Variants in PCDHGA3 observed in about 807,000 individuals in gnomAD.
PCDHGA3 encodes protocadherin gamma subfamily A, 3, also known as protocadherin gamma-A3.
A neutral mutation model predicts 58.5 loss-of-function variants in PCDHGA3; 40 were observed. That is an observed-to-expected ratio of 0.68 (90% CI 0.53 to 0.89). The LOEUF (loss-of-function observed/expected upper bound fraction) is 0.89. Ranked by LOEUF, PCDHGA3 falls within the 40% of genes least tolerant of loss-of-function variation. The pLI is 0.00. For synonymous variants in PCDHGA3, 530 were observed against 525.7 expected, an observed-to-expected ratio of 1.01 and a Z score of -0.11; for missense variants, 1,223 against 1,195.9, an observed-to-expected ratio of 1.02 and a Z score of -0.33.
intron 1 of PCDHGA3, among the ~76,000 whole-genome samples, chr5:141,492,482 A>G (rs1339196127): frequency 6.6e-6 from 1 of 152,182 alleles, no homozygotes; most frequent in Non-Finnish European, 1.5e-5. Context: ...GCGGCCGCCC[A>G]GGACCAGGCG....
intron 1 of PCDHGA3, chr5:141,414,449 C>T (rs1223779483): frequency 6.2e-7 from 1 of 1,613,730 alleles, no homozygotes; most frequent in Non-Finnish European, 8.5e-7. Context: ...TACAATATCA[C>T]AGTGACAGCC....
chr5:141,440,008 C>G, intron 1 of PCDHGA3: 1 of 153,238 alleles, frequency 6.5e-6, no homozygotes. Context: ...GAAACCTTGC[C>G]AAGGATCTGG....
chr5:141,501,964 A>G (rs1374872785), intron 2 of PCDHGA3, among the ~76,000 whole-genome samples: 1 of 151,854 alleles, frequency 6.6e-6, no homozygotes, highest in East Asian at 1.9e-4. Flanking sequence ...TCATCCTCCT[A>G]ACCTCTGGCA....
Position 141,485,151 on chromosome 5 carries a change from T to C in PCDHGA3, c.2425-9656T>C, listed in dbSNP as rs1191585056. 1.0e-5 allele frequency: 16 copies of C among 1,584,876 alleles called. No homozygotes were observed. Among genetic ancestry groups the C allele is most frequent in the Non-Finnish European group, 1.3e-5 (15 of 1,156,528 alleles). On this transcript the variant is annotated intron_variant, in intron 1 of 3. Coordinates refer to ENST00000253812, the MANE Select transcript of PCDHGA3 (RefSeq NM_018916.4). This position sits in a 1 kb window ranked among gnomAD's most constrained non-coding sequence, Gnocchi z 5.7. ...GCTTCATCCGCGTCTCAGGAGCAAG[T>C]AGAGAATTAGCGGGCGGCAGCAATG...
chr5:141,424,140 C>A, intron 1 of PCDHGA3: 1 of 356,082 alleles, frequency 2.8e-6, no homozygotes, highest in Non-Finnish European at 4.1e-6. Flanking sequence ...TAATAGCATG[C>A]TCCCTCTAGC....
At chr5:141,438,595 T>C (rs11949887) in intron 1 of PCDHGA3, among the ~76,000 whole-genome samples, 1,254 of 57,838 alleles carry the variant, frequency 0.022, 9 homozygotes, top group Non-Finnish European at 0.023. Flanking sequence ...TACATACATA[T>C]ATATATATAT....
chr5:141,413,812 C>G (rs761118146), intron 1 of PCDHGA3: 3 of 1,613,144 alleles, frequency 1.9e-6, no homozygotes, highest in Non-Finnish European at 1.7e-6. Context: ...GGCCATTCAC[C>G]ACCTGGTCCT....
chr5:141,497,211 G>T (rs914346878), intron 2 of PCDHGA3, among the ~76,000 whole-genome samples: 12 of 28,538 alleles, frequency 4.2e-4, no homozygotes, highest in African/African-American at 1.1e-3. Context: ...GAGTGTAATG[G>T]GGGGGGGAAG....
In PCDHGA3 at chr5:141,366,067, T is replaced by C. The variant is rs11750908; in HGVS notation, c.2424+19610T>C. 6.6e-3 allele frequency: 10,611 copies of C among 1,614,204 alleles called. 55 individuals carry two copies. Among genetic ancestry groups the C allele is most frequent in the Non-Finnish European group, 7.8e-3 (9,251 of 1,180,030 alleles). On this transcript the variant is annotated intron_variant, in intron 1 of 3. Coordinates refer to ENST00000253812, the MANE Select transcript of PCDHGA3 (RefSeq NM_018916.4). ...GTTCCACGGGCGTGGAGCTGGCGCCTCGCTCCGCAGAACCTGGCTACCTGG... is the reference window on the plus strand; with the variant it reads ...GTTCCACGGGCGTGGAGCTGGCGCCCCGCTCCGCAGAACCTGGCTACCTGG...
Position 141,476,641 on chromosome 5 carries a change from C to A in PCDHGA3, c.2425-18166C>A, listed in dbSNP as rs1183948220. The A allele has an allele frequency of 1.2e-6, 2 of 1,614,256 alleles. No homozygotes were observed. The highest frequency in any genetic ancestry group is 1.7e-5 in the Admixed American group (1 of 60,030). On this transcript the variant is annotated intron_variant, in intron 1 of 3. Transcript: ENST00000253812. This position sits in a 1 kb window ranked among gnomAD's most constrained non-coding sequence, Gnocchi z 7.6. ...ACTCTTTACAAACCTATGAGCTGAG[C>A]CGAAATGAATACTTTGCGCTTCGCG... is the stretch of plus-strand genomic sequence containing the variant.
intron 1 of PCDHGA3, among the ~76,000 whole-genome samples, chr5:141,397,331 TA>T (rs1194266776): frequency 2.0e-5 from 3 of 152,214 alleles, no homozygotes; most frequent in Non-Finnish European, 4.4e-5. Flanking sequence ...AAATTATTTT[TA>T]TAAAGAATGT....
chr5:141,374,543 C>T (rs755927894), intron 1 of PCDHGA3: 3 of 1,613,376 alleles, frequency 1.9e-6, no homozygotes, highest in South Asian at 1.1e-5. Context: ...TCGTTTTCCA[C>T]TAATGGAGGT....
rs1221295650 is a variant in PCDHGA3 at position 141,489,576 on chromosome 5, C to A, written c.2425-5231C>A. 3 of 1,613,936 alleles carry A rather than the reference C, an allele frequency of 1.9e-6. No individual in the cohort carries two copies. Among genetic ancestry groups the A allele is most frequent in the Non-Finnish European group, 2.5e-6 (3 of 1,179,984 alleles). ...TGCCAGTGCAGGTGGTGACTGAACA[C>A]CCCCTGGAGCTAATCCGTGTAGAGG... On this transcript the variant is annotated intron_variant, in intron 1 of 3. Transcript: ENST00000253812. This position sits in a 1 kb window ranked among gnomAD's most constrained non-coding sequence, Gnocchi z 4.5.
chr5:141,374,241 G>T lies in PCDHGA3; in HGVS notation c.2424+27784G>T, dbSNP rs761928573. The T allele has an allele frequency of 2.5e-6, 4 of 1,614,020 alleles. No homozygotes were observed. In the Admixed American group the frequency reaches 6.7e-5, roughly 27 times the overall value. On this transcript the variant is annotated intron_variant, in intron 1 of 3. Transcript: ENST00000253812. Reference sequence around the variant, plus strand: ...GTAGGCAACATCGTCAAGGATCTGGGACTGGAGCCCCAGGAGTTGGCGGAG... The same window carrying T: ...GTAGGCAACATCGTCAAGGATCTGGTACTGGAGCCCCAGGAGTTGGCGGAG...
Position 141,395,019 on chromosome 5 carries a change from C to G in PCDHGA3, c.2424+48562C>G, listed in dbSNP as rs374672662. On this transcript the variant is annotated intron_variant, in intron 1 of 3. Transcript: ENST00000253812. ...TTCCGGTGGCAGATTGGTAGGCGTG[C>G]CTGCCTCACATTTTGTGGGTGTTGA... The G allele has an allele frequency of 3.7e-6, 6 of 1,613,986 alleles. No homozygotes were observed. Among genetic ancestry groups the G allele is most frequent in the Non-Finnish European group, 5.1e-6 (6 of 1,180,016 alleles).
In PCDHGA3 at chr5:141,367,963, G is replaced by A. The variant is rs983677753; in HGVS notation, c.2424+21506G>A. Among the ~76,000 whole-genome samples the A allele has an allele frequency of 1.4e-4, 21 of 152,110 alleles. 1 individual carries two copies. The South Asian group carries it at 4.2e-3, about 30-fold the overall frequency. On this transcript the variant is annotated intron_variant, in intron 1 of 3. Coordinates refer to ENST00000253812, the MANE Select transcript of PCDHGA3 (RefSeq NM_018916.4). ...CAAAATTTTAAATTTCATATCTAAC[G>A]TATGTGCTCATCTTAAATTAATAGA...
rs754618010 is a variant in PCDHGA3 at position 141,370,745 on chromosome 5, T to G, written c.2424+24288T>G. 19 of 1,613,834 alleles carry G rather than the reference T, an allele frequency of 1.2e-5. 1 individual carries two copies. In the South Asian group the frequency reaches 2.1e-4, roughly 18 times the overall value. ...TTGCTGAAAAGCCTTTAAACTTTTT[T>G]CATGTAACTGTGCTGATCCAGGATA... On this transcript the variant is annotated intron_variant, in intron 1 of 3. Coordinates refer to ENST00000253812, the MANE Select transcript of PCDHGA3 (RefSeq NM_018916.4).
intron 1 of PCDHGA3, among the ~76,000 whole-genome samples, chr5:141,386,558 G>A (rs931142144): frequency 6.6e-5 from 10 of 151,826 alleles, no homozygotes; most frequent in African/African-American, 2.4e-4. Flanking sequence ...GTAGTATTTT[G>A]CACATGATAG....
At chr5:141,353,808 C>T (rs1312387041) in intron 1 of PCDHGA3, among the ~76,000 whole-genome samples, 2 of 152,184 alleles carry the variant, frequency 1.3e-5, no homozygotes, top group Non-Finnish European at 2.9e-5. Context: ...TATTTCACCT[C>T]TCAATCATCC....
Sources: allele counts gnomAD v4.1 joint callset (sites outside exome capture counted in the v4.1 genomes callset), GRCh38; gene constraint gnomAD v4.1.1; non-coding constraint Gnocchi (gnomAD v3.1); transcripts MANE v1.5; gene names NCBI Gene and HGNC (gene_info 2026-07-23, HGNC 2026-07-21).